NHSL1: variants seen among roughly 807,000 people sequenced by gnomAD.
NHSL1 encodes NHS-like protein 1.
A neutral mutation model predicts 95.0 loss-of-function variants in NHSL1; 48 were observed. The observed-to-expected ratio is 0.51, with a 90% CI of 0.40 to 0.64. The LOEUF (loss-of-function observed/expected upper bound fraction) is 0.64. Among genes scored for constraint, NHSL1 ranks in the 30% least tolerant of loss-of-function variants. The pLI, the probability that NHSL1 is intolerant of heterozygous loss-of-function variation, is 0.00. For missense variants in NHSL1, 1,971 were observed against 2,077.7 expected (o/e 0.95, Z 1.00); for synonymous variants, 783 against 833.9 (o/e 0.94, Z 1.05).
chr6:138,648,472 G>A (rs1022309369), intron 1 of NHSL1, among the ~76,000 whole-genome samples: 3 of 151,918 alleles, frequency 2.0e-5, no homozygotes, highest in Non-Finnish European at 2.9e-5. Context: ...TTAGCTGACC[G>A]AGACCAGGTA....
At chr6:138,629,688 T>G (rs981485575) in intron 1 of NHSL1, among the ~76,000 whole-genome samples, 3 of 152,210 alleles carry the variant, frequency 2.0e-5, no homozygotes, top group Non-Finnish European at 4.4e-5. Flanking sequence ...CGGCCTTACA[T>G]CAGTATTTCT....
intron 4 of NHSL1, among the ~76,000 whole-genome samples, chr6:138,446,331 C>A (rs1776865365): frequency 6.6e-6 from 1 of 152,114 alleles, no homozygotes; most frequent in South Asian, 2.1e-4. Flanking sequence ...GCCACCACGC[C>A]CAGCCAATTT....
intron 1 of NHSL1, among the ~76,000 whole-genome samples, chr6:138,612,498 C>T (rs1236343274): frequency 6.6e-6 from 1 of 152,032 alleles, no homozygotes; most frequent in African/African-American, 2.4e-5. Flanking sequence ...GTATAATGCA[C>T]AGCATAATAC....
At chr6:138,543,149 A>C (rs1782647678) in intron 1 of NHSL1, among the ~76,000 whole-genome samples, 1 of 152,180 alleles carries the variant, frequency 6.6e-6, no homozygotes, top group Non-Finnish European at 1.5e-5. Context: ...ATATTATTTG[A>C]TTAGCCATAA....
intron 1 of NHSL1, among the ~76,000 whole-genome samples, chr6:138,604,510 G>A (rs145715678): frequency 4.9e-3 from 744 of 152,258 alleles, no homozygotes; most frequent in Non-Finnish European, 7.3e-3. Flanking sequence ...TTACAATAAG[G>A]CACAGCTCTC....
intron 1 of NHSL1, among the ~76,000 whole-genome samples, chr6:138,523,784 T>C (rs1781791731): frequency 6.6e-6 from 1 of 152,214 alleles, no homozygotes; most frequent in Non-Finnish European, 1.5e-5. Flanking sequence ...TGACATCTCC[T>C]TTGAATGGGA....
In NHSL1 at chr6:138,464,715, C is replaced by CTTTTT. The variant is rs1157342436; in HGVS notation, c.339+8586_339+8590dup. On this transcript the variant is annotated intron_variant, in intron 3 of 7. Transcript: ENST00000343505. ...TTCTCTTCACTTTTTTTTTTCTTTT[C>CTTTTT]TTTTTTTTTTTTTTTGAGACAGAGT... 1.9e-4 allele frequency among the ~76,000 whole-genome samples: 23 copies of CTTTTT among 118,958 alleles called. 1 individual carries two copies. The highest frequency in any genetic ancestry group is 7.6e-4 in the South Asian group (3 of 3,938). 78.0% of individuals were successfully genotyped at this position (118,958 alleles called of 152,430 possible). A position where few individuals can be genotyped will look rare whatever the true frequency, so the allele number is the denominator to read the frequency against.
intron 2 of NHSL1, among the ~76,000 whole-genome samples, chr6:138,480,468 T>C (rs764311057): frequency 6.6e-6 from 1 of 152,180 alleles, no homozygotes; most frequent in Non-Finnish European, 1.5e-5. Context: ...CACTGCAGTG[T>C]GAAAAGCCAG....
chr6:138,546,427 CAAAAAAAAAAAAAAA>C (rs1177720465), upstream of NHSL1, among the ~76,000 whole-genome samples: 67 of 50,962 alleles, frequency 1.3e-3, no homozygotes, highest in East Asian at 0.016. Flanking sequence ...CCCATCTCTA[CAAAAAAAAAAAAAAA>C]AAAAAAAAAA....
intron 2 of NHSL1, among the ~76,000 whole-genome samples, chr6:138,484,394 T>C (rs1369501915): frequency 1.3e-5 from 2 of 152,162 alleles, no homozygotes; most frequent in African/African-American, 2.4e-5. Context: ...AAAATTATTT[T>C]ATAATAACAC....
Position 138,657,588 on chromosome 6 carries a change from C to T in NHSL1, c.96+34888G>A, listed in dbSNP as rs574244747. Among the ~76,000 whole-genome samples, 13 of 151,792 alleles carry T rather than the reference C, an allele frequency of 8.6e-5. No individual in the cohort carries two copies. The East Asian group carries it at 2.3e-3, about 27-fold the overall frequency. ...CAGCACTTTGGGAGGCCGAGGCAGG[C>T]GGATCACGAGGTCAGGAGATCGAGA... On this transcript the variant is annotated intron_variant, in intron 1 of 3. Transcript: ENST00000491526.
At chr6:138,471,773 T>G (rs1778766670) in intron 3 of NHSL1, among the ~76,000 whole-genome samples, 1 of 152,130 alleles carries the variant, frequency 6.6e-6, no homozygotes, top group Non-Finnish European at 1.5e-5. Flanking sequence ...AAAAAAAAGG[T>G]AAGCACAGTG....
chr6:138,664,868 A>G (rs1377141073), intron 1 of NHSL1, among the ~76,000 whole-genome samples: 1 of 152,206 alleles, frequency 6.6e-6, no homozygotes, highest in Non-Finnish European at 1.5e-5. Context: ...TGGAGACAGA[A>G]TTTCTCCCTG....
intron 1 of NHSL1, among the ~76,000 whole-genome samples, chr6:138,526,778 T>C (rs1325713797): frequency 6.6e-6 from 1 of 152,222 alleles, no homozygotes; most frequent in Admixed American, 6.5e-5. Flanking sequence ...AGTTTTGAAA[T>C]GTAACTTTAT....
At chr6:138,549,136 C>T (rs1782910519), upstream of NHSL1, among the ~76,000 whole-genome samples, 1 of 152,154 alleles carries the variant, frequency 6.6e-6, no homozygotes, top group African/African-American at 2.4e-5. Context: ...GTAATCCCAG[C>T]GCTTTAGGAG....
chr6:138,692,899 G>A (rs552390542), upstream of NHSL1, among the ~76,000 whole-genome samples: 5 of 151,220 alleles, frequency 3.3e-5, no homozygotes, highest in East Asian at 2.0e-4. The surrounding 1 kb of genome is among the most constrained non-coding windows in gnomAD (Gnocchi z 4.0). Flanking sequence ...CCTGCCCGCA[G>A]GGGAGAGGCC....
At chr6:138,582,495 G>C (rs975159569) in intron 1 of NHSL1, among the ~76,000 whole-genome samples, 5 of 152,190 alleles carry the variant, frequency 3.3e-5, no homozygotes, top group Non-Finnish European at 5.9e-5. Context: ...GTTCTAGACA[G>C]ATCACTGCTG....
intron 1 of NHSL1, among the ~76,000 whole-genome samples, chr6:138,514,114 C>T (rs1445189533): frequency 1.3e-5 from 2 of 151,938 alleles, no homozygotes; most frequent in African/African-American, 2.4e-5. Flanking sequence ...GTCAGGAGTT[C>T]GAGACCAGCC....
In NHSL1 at chr6:138,424,242, C is replaced by T. The variant is rs375093395; in HGVS notation, c.4660G>A (p.Gly1554Arg). 100 of 1,502,250 alleles carry T rather than the reference C, an allele frequency of 6.7e-5. No homozygotes were observed. The highest frequency in any genetic ancestry group is 2.7e-4 in the African/African-American group (19 of 71,600). 93.1% of individuals were successfully genotyped at this position (1,502,250 alleles called of 1,614,324 possible). ...TCGTCCATCTCCTCCCTCGCCAGTC[C>T]GTCCAGGGAACATCCCTCCGCAGCG... ...LGAAEGCSLD[G>R]LAREEMDEGG... The change falls in exon 8 of 8, where the codon GGA (glycine) becomes AGA (arginine). Residue 1554 changes from glycine (G) to arginine (R), a missense_variant. This residue lies in a region of NHSL1 where 223 missense variants were observed against 217.0 expected (regional missense o/e 1.03). Coordinates refer to ENST00000343505, the MANE Select transcript of NHSL1 (RefSeq NM_001144060.2). The surrounding 1 kb of genome is among the most constrained non-coding windows in gnomAD (Gnocchi z 5.9).
Sources: gnomAD v4.1 joint callset for allele counts (sites outside exome capture counted in the v4.1 genomes callset) on GRCh38, gnomAD v4.1.1 for gene constraint, gnomAD v4.1.1 regional missense constraint, Gnocchi (gnomAD v3.1) non-coding constraint, MANE v1.5 for transcripts, NCBI Gene and HGNC (gene_info 2026-07-23, HGNC 2026-07-21) for gene names.